Variants in MAP3K21 observed in about 807,000 individuals in gnomAD.
The protein encoded by MAP3K21 is mitogen-activated protein kinase kinase kinase MLK4.
MAP3K21 carries 63 observed loss-of-function variants against 86.1 expected under a neutral mutation model. The observed-to-expected ratio is 0.73, with a 90% CI of 0.60 to 0.90. The LOEUF is 0.90. Ranked by LOEUF, MAP3K21 falls within the 40% of genes least tolerant of loss-of-function variation. The pLI is 0.00. For missense variants in MAP3K21, 1,220 were observed against 1,367.7 expected (o/e 0.89, Z 1.70); for synonymous variants, 558 against 564.8 (o/e 0.99, Z 0.17).
intron 4 of MAP3K21, among the ~76,000 whole-genome samples, chr1:233,355,956 C>T (rs1168059820): frequency 6.6e-6 from 1 of 152,106 alleles, no homozygotes; most frequent in African/African-American, 2.4e-5. Flanking sequence ...TGTTCACTCC[C>T]TTTCTCCTCA....
intron 4 of MAP3K21, among the ~76,000 whole-genome samples, chr1:233,360,090 C>A (rs927259245): frequency 6.6e-6 from 1 of 152,164 alleles, no homozygotes; most frequent in Non-Finnish European, 1.5e-5. Flanking sequence ...CTGTTCTGAT[C>A]GCTTTCTCAT....
rs140768205 is a variant in MAP3K21 at position 233,354,926 on chromosome 1, T to C, written c.1226T>C (p.Met409Thr). ...TAIEGAVMTEMPQESFHSMQD... is the reference protein window; with the variant it reads ...TAIEGAVMTETPQESFHSMQD... Reference sequence around the variant, plus strand: ...ATTGAAGGGGCAGTGATGACTGAGATGCCTCAAGAATCTTTTCATTCCATG... The same window carrying C: ...ATTGAAGGGGCAGTGATGACTGAGACGCCTCAAGAATCTTTTCATTCCATG... Residue 409 changes from methionine (M) to threonine (T), a missense_variant, in exon 4 of 10, where the codon ATG becomes ACG. This residue lies in a region of MAP3K21 where 126 missense variants were observed against 127.7 expected (regional missense o/e 0.99). Coordinates refer to ENST00000366624, the MANE Select transcript of MAP3K21 (RefSeq NM_032435.3). 1.9e-5 allele frequency: 30 copies of C among 1,613,886 alleles called. No homozygotes were observed. The African/African-American group carries it at 3.9e-4, about 21-fold the overall frequency.
chr1:233,328,388 C>T lies in MAP3K21; in HGVS notation c.360C>T (p.Ala120=). Reference sequence around the variant, plus strand: ...GGCCCAGCTCCCCGGTACACGTCGCCTTCGAGCGGCTGGAGCTGAAGGAGC... The same window carrying T: ...GGCCCAGCTCCCCGGTACACGTCGCTTTCGAGCGGCTGGAGCTGAAGGAGC... ...PSRPSSPVHV[A]FERLELKELI... The change falls in exon 1 of 10, where the codon GCC becomes GCT. Residue 120 remains alanine, a synonymous_variant. Coordinates refer to ENST00000366624, the MANE Select transcript of MAP3K21 (RefSeq NM_032435.3). The surrounding 1 kb of genome is among the most constrained non-coding windows in gnomAD (Gnocchi z 8.7). The T allele has an allele frequency of 6.7e-7, 1 of 1,486,910 alleles. No individual in the cohort carries two copies. The highest frequency in any genetic ancestry group is 1.3e-5 in the South Asian group (1 of 79,228). The allele number at this position is 1,486,910 out of a possible 1,614,324, so 92.1% of individuals were successfully genotyped here. A position where few individuals can be genotyped will look rare whatever the true frequency, so the allele number is the denominator to read the frequency against.
chr1:233,347,527 C>T (rs926006), intron 2 of MAP3K21, among the ~76,000 whole-genome samples: 11,863 of 152,220 alleles, frequency 0.078, 524 homozygotes, highest in Middle Eastern at 0.16. Flanking sequence ...ATGTGGTGCA[C>T]GTACACCATG....
At chr1:233,353,145 A>C (rs1033194933) in intron 2 of MAP3K21, among the ~76,000 whole-genome samples, 9 of 150,044 alleles carry the variant, frequency 6.0e-5, no homozygotes, top group African/African-American at 1.7e-4. Flanking sequence ...GTTGTGCCTT[A>C]TTTTTTATTC....
chr1:233,351,388 A>G (rs1304686489), intron 2 of MAP3K21, among the ~76,000 whole-genome samples: 1 of 152,148 alleles, frequency 6.6e-6, no homozygotes, highest in Non-Finnish European at 1.5e-5. Context: ...GAGTTCACTG[A>G]AGATCAGCTT....
At position 233,328,046 on chromosome 1, in the gene MAP3K21, C is replaced by T; in HGVS notation, c.18C>T (p.Ala6=). The change falls in exon 1 of 10, where the codon GCC becomes GCT. Residue 6 remains alanine (A), a synonymous_variant. Transcript: ENST00000366624. This position sits in a 1 kb window ranked among gnomAD's most constrained non-coding sequence, Gnocchi z 8.7. The part of the protein sequence containing the change: MALRG[A]AGATDTPVSS... ...CTGCCCCCATGGCTTTGCGGGGCGCCGCGGGAGCGACCGACACCCCGGTGT... is the reference window on the plus strand; with the variant it reads ...CTGCCCCCATGGCTTTGCGGGGCGCTGCGGGAGCGACCGACACCCCGGTGT... 7.6e-7 allele frequency: 1 copy of T among 1,319,274 alleles called. No individual in the cohort carries two copies. The highest frequency in any genetic ancestry group is 2.1e-5 in the South Asian group (1 of 48,484). The allele number at this position is 1,319,274 out of a possible 1,614,324, so 81.7% of individuals were successfully genotyped here.
Position 233,328,522 on chromosome 1 carries a change from C to T in MAP3K21, c.494C>T (p.Ala165Val), listed in dbSNP as rs767215686. The T allele has an allele frequency of 3.9e-6, 6 of 1,529,746 alleles. No homozygotes were observed. The East Asian group carries it at 8.0e-5, about 20-fold the overall frequency. 94.8% of individuals were successfully genotyped at this position (1,529,746 alleles called of 1,614,324 possible). A position where few individuals can be genotyped will look rare whatever the true frequency, so the allele number is the denominator to read the frequency against. Reference sequence around the variant, plus strand: ...CCGGAGCAGGACGCGGCGGCGGCTGCCGAGAGCGTGCGGCGCGAGGCTCGG... The same window carrying T: ...CCGGAGCAGGACGCGGCGGCGGCTGTCGAGAGCGTGCGGCGCGAGGCTCGG... The part of the protein sequence containing the change: ...QDPEQDAAAA[A>V]ESVRREARLF... The change falls in exon 1 of 10, where the codon GCC becomes GTC. Residue 165 changes from alanine to valine, a missense_variant. Physicochemically the swap from Ala to Val is moderately conservative, Grantham distance 64. Coordinates refer to ENST00000366624, the MANE Select transcript of MAP3K21 (RefSeq NM_032435.3). This position sits in a 1 kb window ranked among gnomAD's most constrained non-coding sequence, Gnocchi z 8.7.
chr1:233,335,468 T>G (rs776533522), intron 1 of MAP3K21, among the ~76,000 whole-genome samples: 6 of 152,136 alleles, frequency 3.9e-5, no homozygotes, highest in Non-Finnish European at 8.8e-5. Flanking sequence ...TACTCACAAT[T>G]TATCCTCATT....
chr1:233,335,509 C>A (rs1242582489), intron 1 of MAP3K21, among the ~76,000 whole-genome samples: 1 of 151,904 alleles, frequency 6.6e-6, no homozygotes, highest in African/African-American at 2.4e-5. Flanking sequence ...TGAGGTGGCG[C>A]TCTAATTATC....
chr1:233,360,482 A>G (rs1663446966), intron 4 of MAP3K21, among the ~76,000 whole-genome samples: 1 of 152,178 alleles, frequency 6.6e-6, no homozygotes, highest in African/African-American at 2.4e-5. Context: ...TTTTCTTGTG[A>G]AATTTGTTTC....
At chr1:233,360,674 A>G (rs1663451847) in intron 4 of MAP3K21, among the ~76,000 whole-genome samples, 1 of 152,086 alleles carries the variant, frequency 6.6e-6, no homozygotes, top group Non-Finnish European at 1.5e-5. Flanking sequence ...TATTTTCTTT[A>G]CGATAATTGT....
At chr1:233,381,599 T>C (rs1663917726) in intron 9 of MAP3K21, among the ~76,000 whole-genome samples, 1 of 152,236 alleles carries the variant, frequency 6.6e-6, no homozygotes, top group Admixed American at 6.5e-5. Flanking sequence ...ATATTATTGT[T>C]CATTGCCTTT....
intron 6 of MAP3K21, chr1:233,372,565 A>T (rs952434541): frequency 5.0e-6 from 1 of 201,130 alleles, no homozygotes; most frequent in African/African-American, 2.3e-5. Context: ...GAGGGGAAAA[A>T]ATTTTTGCTT....
rs1558456876 is a variant in MAP3K21 at position 233,355,110 on chromosome 1, T to C, written c.1311+99T>C. On this transcript the variant is annotated intron_variant, in intron 4 of 9. Coordinates refer to ENST00000366624, the MANE Select transcript of MAP3K21 (RefSeq NM_032435.3). ...TGTTAGCATTATTCAAAAATATCTT[T>C]AGATATCAATATTTGTTGATTCTCA... is the stretch of plus-strand genomic sequence containing the variant. 7 of 834,468 alleles carry C rather than the reference T, an allele frequency of 8.4e-6. No homozygotes were observed. In the South Asian group the frequency reaches 1.1e-4, roughly 13 times the overall value. 51.7% of individuals were successfully genotyped at this position (834,468 alleles called of 1,614,324 possible). A position where few individuals can be genotyped will look rare whatever the true frequency, so the allele number is the denominator to read the frequency against.
chr1:233,342,116 A>G (rs888379615), intron 1 of MAP3K21, among the ~76,000 whole-genome samples: 1 of 152,150 alleles, frequency 6.6e-6, no homozygotes, highest in East Asian at 1.9e-4. Flanking sequence ...CTTTATATTC[A>G]TAGGGAATAA....
intron 1 of MAP3K21, among the ~76,000 whole-genome samples, chr1:233,339,264 CTTCCTCT>C (rs1558450845): frequency 4.4e-4 from 15 of 34,202 alleles, no homozygotes; most frequent in Admixed American, 3.9e-4. Flanking sequence ...TCTTCTTCTT[CTTCCTCT>C]TCTTCTTCTT....
chr1:233,379,812 T>C (rs1663880747), intron 9 of MAP3K21, 102 bp downstream of exon 9: 2 of 909,050 alleles, frequency 2.2e-6, no homozygotes, highest in South Asian at 3.4e-5. Context: ...TGATGACATT[T>C]AATAATTTGT....
In MAP3K21 at chr1:233,362,093, TGCA is replaced by T; in HGVS notation, c.1357_1359del (p.Gln453del). The T allele has an allele frequency of 6.2e-7, 1 of 1,613,398 alleles. No individual in the cohort carries two copies. Among genetic ancestry groups the T allele is most frequent in the Non-Finnish European group, 8.5e-7 (1 of 1,179,680 alleles). On this transcript the variant is annotated inframe_deletion, in exon 5 of 10. Transcript: ENST00000366624. ...GAAGAGGAGCTGACTCGGGCGGCTCTGCAGCAGAAGTCTCAGGAGGAGCTGCTA... is the reference window on the plus strand; with the variant it reads ...GAAGAGGAGCTGACTCGGGCGGCTCTGCAGAAGTCTCAGGAGGAGCTGCTA...
Sources: allele counts gnomAD v4.1 joint callset (sites outside exome capture counted in the v4.1 genomes callset), GRCh38; gene constraint gnomAD v4.1.1; regional missense constraint gnomAD v4.1.1; non-coding constraint Gnocchi (gnomAD v3.1); transcripts MANE v1.5; gene names NCBI Gene and HGNC (gene_info 2026-07-23, HGNC 2026-07-21).